ARHGEF10L: variants seen among roughly 807,000 people sequenced by gnomAD.
ARHGEF10L encodes the protein Rho guanine nucleotide exchange factor 10 like, also known as rho guanine nucleotide exchange factor 10-like protein.
In ARHGEF10L, 69 loss-of-function variants were observed where a neutral mutation model predicts 141.2. The ratio of observed to expected loss-of-function variants is 0.49; its 90% CI spans 0.40 to 0.60. The LOEUF (loss-of-function observed/expected upper bound fraction) is 0.60. Ranked by LOEUF, ARHGEF10L falls within the 20% of genes least tolerant of loss-of-function variation. ARHGEF10L has a pLI of 0.00. For missense variants in ARHGEF10L, 1,482 were observed against 1,734.3 expected (o/e 0.85, Z 2.58); for synonymous variants, 711 against 718.5 (o/e 0.99, Z 0.17).
chr1:17,607,770 C>T lies in ARHGEF10L; in HGVS notation c.434-32C>T, dbSNP rs985176075. 2 of 1,518,774 alleles carry T rather than the reference C, an allele frequency of 1.3e-6. No homozygotes were observed. Among genetic ancestry groups the T allele is most frequent in the South Asian group, 1.3e-5 (1 of 77,292 alleles). The allele number at this position is 1,518,774 out of a possible 1,614,324, so 94.1% of individuals were successfully genotyped here. A position where few individuals can be genotyped will look rare whatever the true frequency, so the allele number is the denominator to read the frequency against. ...AAGTCTGGTAGGCTTGGCCTCAGGG[C>T]CTGGGCTCACCGGCTGCCGCTTGGC... On this transcript the variant is annotated intron_variant, in intron 6 of 28. Transcript: ENST00000361221. The surrounding 1 kb of genome is among the most constrained non-coding windows in gnomAD (Gnocchi z 4.5).
At chr1:17,653,832 C>T (rs554750065) in intron 22 of ARHGEF10L, among the ~76,000 whole-genome samples, 9 of 152,360 alleles carry the variant, frequency 5.9e-5, no homozygotes, top group African/African-American at 1.9e-4. Context: ...TTGGCATCTG[C>T]GCAATGAGGA....
chr1:17,684,995 G>C (rs574335460), intron 26 of ARHGEF10L, among the ~76,000 whole-genome samples: 1 of 152,246 alleles, frequency 6.6e-6, no homozygotes, highest in East Asian at 1.9e-4. Flanking sequence ...AATGAGCCCG[G>C]AGCTCACTGG....
intron 1 of ARHGEF10L, among the ~76,000 whole-genome samples, chr1:17,549,729 A>G (rs1235000534): frequency 6.6e-6 from 1 of 152,192 alleles, no homozygotes; most frequent in East Asian, 1.9e-4. Context: ...TTTGTTTTCC[A>G]CTTCCCATAA....
intron 28 of ARHGEF10L, 77 bp downstream of exon 28, chr1:17,695,357 G>A (rs2065420494): frequency 2.0e-6 from 3 of 1,514,188 alleles, no homozygotes; most frequent in Non-Finnish European, 1.8e-6. Context: ...CGGGGAGGGT[G>A]TATTATGCCC....
intron 26 of ARHGEF10L, among the ~76,000 whole-genome samples, chr1:17,665,128 C>T (rs147102972): frequency 1.9e-3 from 286 of 152,306 alleles, no homozygotes; most frequent in Non-Finnish European, 2.9e-3. Flanking sequence ...TAGCACTGCC[C>T]GCTCACCTTC....
At chr1:17,664,120 G>A (rs1210504382) in intron 25 of ARHGEF10L, among the ~76,000 whole-genome samples, 1 of 152,294 alleles carries the variant, frequency 6.6e-6, no homozygotes, top group East Asian at 1.9e-4. Context: ...TGGCATGGGT[G>A]GAGTAGGTGC....
intron 26 of ARHGEF10L, among the ~76,000 whole-genome samples, chr1:17,670,483 G>A (rs1228257367): frequency 6.6e-6 from 1 of 152,222 alleles, no homozygotes; most frequent in Non-Finnish European, 1.5e-5. Flanking sequence ...ATTGCTGGAG[G>A]GGGAAGCTGG....
At chr1:17,652,619 G>C (rs1333896430) in intron 22 of ARHGEF10L, among the ~76,000 whole-genome samples, 2 of 152,158 alleles carry the variant, frequency 1.3e-5, no homozygotes, top group Non-Finnish European at 2.9e-5. Context: ...CTGAACGCCT[G>C]ACTACTACGG....
rs2100965671 is a variant in ARHGEF10L at position 17,603,446 on chromosome 1, A to G, written c.350-62A>G. 4 of 1,397,916 alleles carry G rather than the reference A, an allele frequency of 2.9e-6. No homozygotes were observed. Among genetic ancestry groups the G allele is most frequent in the Middle Eastern group, 3.6e-4 (2 of 5,556 alleles). 86.6% of individuals were successfully genotyped at this position (1,397,916 alleles called of 1,614,324 possible). ...CTGGTGCAGTCCTGATGTCATCTGC[A>G]GCACCTCTGGCCAGGCTGCCACAGC... On this transcript the variant is annotated intron_variant, in intron 5 of 28. Coordinates refer to ENST00000361221, the MANE Select transcript of ARHGEF10L (RefSeq NM_018125.4). The surrounding 1 kb of genome is among the most constrained non-coding windows in gnomAD (Gnocchi z 4.8).
rs142739963 is a variant in ARHGEF10L, at chr1:17,689,703, G to T, written c.3184+1956G>T. The T allele has an allele frequency of 1.1e-3, 469 of 442,326 alleles. 2 individuals carry two copies. In the Admixed American group the frequency reaches 0.011, roughly 11 times the overall value. The allele number at this position is 442,326 out of a possible 1,614,324, so 27.4% of individuals were successfully genotyped here. ...TTTTAACTACGATAAAAATGTCTCT[G>T]TATCACAAAACTATCTCCACATTTC... On this transcript the variant is annotated intron_variant, in intron 27 of 28. Coordinates refer to ENST00000361221, the MANE Select transcript of ARHGEF10L (RefSeq NM_018125.4).
chr1:17,566,576 G>A (rs2077764513), intron 1 of ARHGEF10L, among the ~76,000 whole-genome samples: 1 of 152,202 alleles, frequency 6.6e-6, no homozygotes, highest in Admixed American at 6.5e-5. Context: ...GAGAAGCAGG[G>A]CCCCTGGCGG....
Position 17,648,082 on chromosome 1 carries a change from C to T in ARHGEF10L, c.2273-472C>T, listed in dbSNP as rs559458249. Among the ~76,000 whole-genome samples the T allele has an allele frequency of 9.2e-5, 14 of 152,324 alleles. No homozygotes were observed. In the East Asian group the frequency reaches 2.5e-3, roughly 27 times the overall value. ...TGGTCAAGTGTGAGTGCCGCAATGG[C>T]GACCTCCTGTCCTCTGATCGTTCAT... On this transcript the variant is annotated intron_variant, in intron 21 of 28. Coordinates refer to ENST00000361221, the MANE Select transcript of ARHGEF10L (RefSeq NM_018125.4).
At chr1:17,646,106 G>A (rs914729618) in intron 21 of ARHGEF10L, among the ~76,000 whole-genome samples, 5 of 152,342 alleles carry the variant, frequency 3.3e-5, no homozygotes, top group Admixed American at 2.6e-4. Context: ...GACTCAGGCC[G>A]GAGGGTGTGA....
chr1:17,526,257 A>G, the ARHGEF10L span, among the ~76,000 whole-genome samples: 1 of 152,154 alleles, frequency 6.6e-6, no homozygotes, highest in Non-Finnish European at 1.5e-5. Context: ...TGCTTCCGAT[A>G]TTCAGGGGAC....
chr1:17,572,966 C>A (rs2078065982), intron 1 of ARHGEF10L, among the ~76,000 whole-genome samples: 1 of 152,168 alleles, frequency 6.6e-6, no homozygotes, highest in Non-Finnish European at 1.5e-5. Flanking sequence ...ACCCTGATGC[C>A]TGGGGAGTGG....
At chr1:17,614,115 G>C (rs2059682968) in intron 8 of ARHGEF10L, among the ~76,000 whole-genome samples, 1 of 152,260 alleles carries the variant, frequency 6.6e-6, no homozygotes. Flanking sequence ...TCACGACAGA[G>C]CTGGGATTCC....
chr1:17,618,517 G>C, intron 9 of ARHGEF10L: 2 of 1,443,906 alleles, frequency 1.4e-6, no homozygotes, highest in Admixed American at 2.7e-5. Flanking sequence ...TCTGTCTCCT[G>C]CTCAGGTAAG....
rs754370887 is a variant in ARHGEF10L at position 17,624,380 on chromosome 1, G to A, written c.1201-7G>A. The A allele has an allele frequency of 1.3e-5, 21 of 1,612,006 alleles. No homozygotes were observed. Among genetic ancestry groups the A allele is most frequent in the Middle Eastern group, 1.6e-4 (1 of 6,076 alleles). Reference sequence around the variant, plus strand: ...GGTCTCCCTGGCCCACACCTGCCTTGTTTCAGTTTTCCAAGTCCATGGTGC... The same window carrying A: ...GGTCTCCCTGGCCCACACCTGCCTTATTTCAGTTTTCCAAGTCCATGGTGC... On this transcript the variant is annotated splice_region_variant and splice_polypyrimidine_tract_variant and intron_variant, in intron 12 of 28. Transcript: ENST00000361221.
chr1:17,690,141 A>G (rs2064990075), intron 27 of ARHGEF10L, among the ~76,000 whole-genome samples: 1 of 152,172 alleles, frequency 6.6e-6, no homozygotes, highest in Non-Finnish European at 1.5e-5. Flanking sequence ...GCTTCCTCAC[A>G]CTTACTGTGT....
Sources: allele counts gnomAD v4.1 joint callset (sites outside exome capture counted in the v4.1 genomes callset), GRCh38; gene constraint gnomAD v4.1.1; non-coding constraint Gnocchi (gnomAD v3.1); transcripts MANE v1.5; gene names NCBI Gene and HGNC (gene_info 2026-07-23, HGNC 2026-07-21).